Variants in ZSWIM6 observed in about 807,000 individuals in gnomAD.
ZSWIM6 encodes the protein zinc finger SWIM-type containing 6.
In ZSWIM6, 9 loss-of-function variants were observed where a neutral mutation model predicts 113.2. The ratio of observed to expected loss-of-function variants is 0.08; its 90% CI spans 0.05 to 0.14. ZSWIM6 has a LOEUF of 0.14. Ranked by LOEUF, ZSWIM6 falls within the 10% of genes least tolerant of loss-of-function variation. The probability of loss-of-function intolerance (pLI) is 1.00; values close to 1 mark genes in which losing one functional copy is unlikely to be tolerated. For synonymous variants in ZSWIM6, 611 were observed against 606.5 expected, an observed-to-expected ratio of 1.01 and a Z score of -0.11; for missense variants, 1,162 against 1,552.2, an observed-to-expected ratio of 0.75 and a Z score of 4.22.
intron 2 of ZSWIM6, among the ~76,000 whole-genome samples, chr5:61,488,819 T>C: frequency 6.6e-6 from 1 of 152,062 alleles, no homozygotes; most frequent in Non-Finnish European, 1.5e-5. Flanking sequence ...TGGATATCTT[T>C]CCATTGTAAT....
At chr5:61,391,538 C>T (rs1373664768) in intron 1 of ZSWIM6, 32 of 1,009,376 alleles carry the variant, frequency 3.2e-5, no homozygotes, top group South Asian at 2.9e-4. Context: ...TTGCATGCAT[C>T]GCTGATGTGC....
intron 2 of ZSWIM6, among the ~76,000 whole-genome samples, chr5:61,478,021 G>A (rs550246875): frequency 6.6e-6 from 1 of 152,134 alleles, no homozygotes; most frequent in Non-Finnish European, 1.5e-5. Context: ...CCTGTGGATG[G>A]TTGTGTTTAT....
intron 2 of ZSWIM6, among the ~76,000 whole-genome samples, chr5:61,489,247 C>T (rs1032245430): frequency 6.6e-6 from 1 of 151,978 alleles, no homozygotes; most frequent in African/African-American, 2.4e-5. Context: ...GATCTCAGCT[C>T]AGTGCCATTT....
At chr5:61,443,685 G>A (rs895734774) in intron 1 of ZSWIM6, among the ~76,000 whole-genome samples, 1 of 152,132 alleles carries the variant, frequency 6.6e-6, no homozygotes, top group African/African-American at 2.4e-5. Context: ...CTCTTTGACA[G>A]GTAGGAGACT....
At chr5:61,430,342 A>G (rs1057280333) in intron 1 of ZSWIM6, among the ~76,000 whole-genome samples, 3 of 152,122 alleles carry the variant, frequency 2.0e-5, no homozygotes, top group African/African-American at 7.2e-5. Context: ...ATATTCTATA[A>G]TTTTCCTCAT....
intron 1 of ZSWIM6, chr5:61,375,522 C>A: frequency 6.4e-7 from 1 of 1,552,798 alleles, no homozygotes; most frequent in Non-Finnish European, 8.7e-7. Context: ...AAAAGAAGAA[C>A]CGTTCACATA....
At chr5:61,403,854 A>G (rs533097290) in intron 1 of ZSWIM6, among the ~76,000 whole-genome samples, 2 of 152,310 alleles carry the variant, frequency 1.3e-5, no homozygotes, top group Admixed American at 6.5e-5. Context: ...TGTTTTTGAC[A>G]GTGAGGAAAT....
At chr5:61,417,272 G>T (rs1035752033) in intron 1 of ZSWIM6, among the ~76,000 whole-genome samples, 3 of 152,206 alleles carry the variant, frequency 2.0e-5, no homozygotes, top group African/African-American at 7.2e-5. Context: ...GCCTATATCT[G>T]TTAGAAGATC....
At chr5:61,390,218 G>GT in intron 1 of ZSWIM6, among the ~76,000 whole-genome samples, 1 of 152,108 alleles carries the variant, frequency 6.6e-6, no homozygotes. Flanking sequence ...TACCATATTT[G>GT]TTTTTTAAAG....
chr5:61,347,831 A>G (rs942366062), intron 1 of ZSWIM6: 4 of 152,236 alleles, frequency 2.6e-5, no homozygotes, highest in African/African-American at 9.6e-5. Context: ...AAACTCACAA[A>G]CGGCAAAATA....
At chr5:61,336,565 C>T (rs527703501) in intron 1 of ZSWIM6, among the ~76,000 whole-genome samples, 2 of 152,068 alleles carry the variant, frequency 1.3e-5, no homozygotes, top group African/African-American at 4.8e-5. Flanking sequence ...CGAGAGCAGC[C>T]TGGCCAACAT....
At chr5:61,430,857 G>A (rs1746566687) in intron 1 of ZSWIM6, among the ~76,000 whole-genome samples, 1 of 152,148 alleles carries the variant, frequency 6.6e-6, no homozygotes, top group African/African-American at 2.4e-5. Flanking sequence ...TATTTGTATA[G>A]TTGTGAAAGT....
At chr5:61,389,218 A>G (rs988706942) in intron 1 of ZSWIM6, among the ~76,000 whole-genome samples, 1 of 152,100 alleles carries the variant, frequency 6.6e-6, no homozygotes, top group Non-Finnish European at 1.5e-5. Context: ...CCACATTTGT[A>G]TCCTGAAGTA....
intron 4 of ZSWIM6, among the ~76,000 whole-genome samples, chr5:61,502,386 G>C (rs1816091): frequency 0.1 from 15,873 of 152,176 alleles, 1,157 homozygotes; most frequent in Admixed American, 0.19. Context: ...TGTCCTTAGA[G>C]GGGGGTGTTC....
chr5:61,457,689 TTTTTTGTA>T (rs1389357077), intron 1 of ZSWIM6, among the ~76,000 whole-genome samples: 3 of 151,872 alleles, frequency 2.0e-5, no homozygotes, highest in Non-Finnish European at 4.4e-5. Context: ...GCCTGGCCAA[TTTTTTGTA>T]TTTTTAGTAG....
Position 61,332,559 on chromosome 5 carries a change from A to G in ZSWIM6, c.287A>G (p.Glu96Gly). ...AEKWPFQRVE[E>G]RFERIPEPVQ... ...AAGTGGCCGTTCCAGCGCGTGGAGG[A>G]GCGCTTTGAGCGCATCCCGGAGCCG... The change falls in exon 1 of 14, where the codon GAG becomes GGG. Residue 96 changes from glutamate (E) to glycine (G), a missense_variant. Glu to Gly is a moderately conservative substitution (Grantham distance 98, BLOSUM62 -2). Around this residue, in one of 4 missense-constraint regions of ZSWIM6, gnomAD observed 333 missense variants for 293.4 expected, o/e 1.13. Coordinates refer to ENST00000252744, the MANE Select transcript of ZSWIM6 (RefSeq NM_020928.2). 3 of 1,360,032 alleles carry G rather than the reference A, an allele frequency of 2.2e-6. No homozygotes were observed. Among genetic ancestry groups the G allele is most frequent in the South Asian group, 1.3e-5 (1 of 78,000 alleles). The allele number at this position is 1,360,032 out of a possible 1,614,324, so 84.2% of individuals were successfully genotyped here. A position where few individuals can be genotyped will look rare whatever the true frequency, so the allele number is the denominator to read the frequency against.
intron 13 of ZSWIM6, 41 bp downstream of exon 13, chr5:61,542,006 T>C: frequency 3.3e-6 from 5 of 1,509,632 alleles, no homozygotes; most frequent in Non-Finnish European, 4.5e-6. Flanking sequence ...AGGTGCCTCA[T>C]GGTAGGATTT....
chr5:61,414,475 G>A (rs2112117260), intron 1 of ZSWIM6, among the ~76,000 whole-genome samples: 1 of 152,308 alleles, frequency 6.6e-6, no homozygotes, highest in Non-Finnish European at 1.5e-5. Flanking sequence ...CAGGTAAATA[G>A]CATGGCTGAA....
intron 1 of ZSWIM6, among the ~76,000 whole-genome samples, chr5:61,348,301 G>C (rs193087528): frequency 1.3e-5 from 2 of 152,086 alleles, no homozygotes; most frequent in Non-Finnish European, 2.9e-5. Context: ...GAGTCTTGGT[G>C]GTAGTGGGTT....
Sources: allele counts gnomAD v4.1 joint callset (sites outside exome capture counted in the v4.1 genomes callset), GRCh38; gene constraint gnomAD v4.1.1; regional missense constraint gnomAD v4.1.1; transcripts MANE v1.5; gene names NCBI Gene and HGNC (gene_info 2026-07-23, HGNC 2026-07-21).